The following CSMD1 variants were observed in gnomAD, a reference collection of about 807,000 sequenced individuals.
CSMD1 encodes the protein CUB and Sushi multiple domains 1, also known as CUB and sushi domain-containing protein 1.
A neutral mutation model predicts 417.5 loss-of-function variants in CSMD1; 213 were observed. The ratio of observed to expected loss-of-function variants is 0.51; its 90% confidence interval spans 0.46 to 0.57. CSMD1 has a LOEUF of 0.57. Ranked by LOEUF, CSMD1 falls within the 20% of genes least tolerant of loss-of-function variation. The pLI is 0.00. For synonymous variants in CSMD1, 2,862 were observed against 1,736.8 expected, an observed-to-expected ratio of 1.65 and a Z score of -16.11; for missense variants, 6,923 against 4,529.7, an observed-to-expected ratio of 1.53 and a Z score of -15.17.
intron 7 of CSMD1, among the ~76,000 whole-genome samples, chr8:3,669,620 G>C (rs994444768): frequency 3.3e-5 from 5 of 152,176 alleles, no homozygotes; most frequent in Non-Finnish European, 5.9e-5. Flanking sequence ...AAGACAAGCT[G>C]GGTATTCGCC....
intron 16 of CSMD1, among the ~76,000 whole-genome samples, chr8:3,397,403 C>A (rs1011119935): frequency 6.6e-6 from 1 of 152,196 alleles, no homozygotes; most frequent in Non-Finnish European, 1.5e-5. Flanking sequence ...GTCCTGTATA[C>A]ATTAGATCAT....
intron 4 of CSMD1, among the ~76,000 whole-genome samples, chr8:4,027,970 C>G (rs575734809): frequency 3.9e-5 from 6 of 151,992 alleles, no homozygotes; most frequent in African/African-American, 1.2e-4. Flanking sequence ...TTAGGATGCC[C>G]AATGGCACTC....
intron 23 of CSMD1, among the ~76,000 whole-genome samples, chr8:3,310,699 G>T (rs1182049471): frequency 6.6e-6 from 1 of 152,078 alleles, no homozygotes; most frequent in Admixed American, 6.6e-5. Flanking sequence ...TCTTTTTGAG[G>T]GGTGAGGGCC....
intron 3 of CSMD1, among the ~76,000 whole-genome samples, chr8:4,328,265 T>G (rs1405322100): frequency 9.0e-6 from 1 of 111,632 alleles, no homozygotes; most frequent in Non-Finnish European, 1.9e-5. Flanking sequence ...TTTTTTTTTT[T>G]GAGAGGAATT....
intron 57 of CSMD1, among the ~76,000 whole-genome samples, chr8:2,967,662 A>G (rs1452260245): frequency 6.6e-6 from 1 of 152,216 alleles, no homozygotes; most frequent in Non-Finnish European, 1.5e-5. Context: ...TAACAAGAAT[A>G]TATATCATGA....
At chr8:3,261,611 G>A (rs192130902) in intron 26 of CSMD1, among the ~76,000 whole-genome samples, 130 of 152,204 alleles carry the variant, frequency 8.5e-4, no homozygotes, top group Admixed American at 1.9e-3. Flanking sequence ...GTCCTTCGGC[G>A]GTGAGTGATT....
At chr8:4,275,520 T>G (rs944009540) in intron 3 of CSMD1, among the ~76,000 whole-genome samples, 1 of 152,158 alleles carries the variant, frequency 6.6e-6, no homozygotes, top group Non-Finnish European at 1.5e-5. Flanking sequence ...CTGTGCTGCT[T>G]TTGTAACTGT....
intron 4 of CSMD1, among the ~76,000 whole-genome samples, chr8:4,015,062 G>A (rs934491243): frequency 1.6e-4 from 24 of 152,088 alleles, no homozygotes; most frequent in African/African-American, 4.8e-4. Flanking sequence ...ATTTTGATAC[G>A]ATTTACACTG....
chr8:4,522,211 G>A (rs1028340127), intron 2 of CSMD1, among the ~76,000 whole-genome samples: 10 of 152,030 alleles, frequency 6.6e-5, no homozygotes, highest in Admixed American at 3.3e-4. Flanking sequence ...ATAAAAATGG[G>A]AGGTTCTCTG....
chr8:3,370,148 C>A (rs932976766), intron 18 of CSMD1, among the ~76,000 whole-genome samples: 1 of 152,144 alleles, frequency 6.6e-6, no homozygotes, highest in Non-Finnish European at 1.5e-5. Flanking sequence ...AATAATTTAA[C>A]CTTTTGAATA....
intron 5 of CSMD1, among the ~76,000 whole-genome samples, chr8:3,856,574 G>T (rs1441363867): frequency 2.6e-5 from 4 of 152,124 alleles, no homozygotes; most frequent in African/African-American, 9.7e-5. Flanking sequence ...GCCTGAGTAT[G>T]GCAGACTGTA....
intron 2 of CSMD1, among the ~76,000 whole-genome samples, chr8:4,424,854 A>T (rs1488490811): frequency 6.6e-6 from 1 of 152,116 alleles, no homozygotes; most frequent in African/African-American, 2.4e-5. Flanking sequence ...CAGTACACAG[A>T]AACTCTTTGT....
At chr8:4,002,978 C>G (rs899359904) in intron 4 of CSMD1, among the ~76,000 whole-genome samples, 1 of 151,900 alleles carries the variant, frequency 6.6e-6, no homozygotes, top group Non-Finnish European at 1.5e-5. Flanking sequence ...TATAAGTAAA[C>G]CAATCTACCT....
At chr8:3,956,757 A>T (rs531636160) in intron 5 of CSMD1, among the ~76,000 whole-genome samples, 1 of 152,230 alleles carries the variant, frequency 6.6e-6, no homozygotes, top group East Asian at 1.9e-4. Flanking sequence ...GCCCAACTCC[A>T]AAGCTTAGTT....
intron 10 of CSMD1, among the ~76,000 whole-genome samples, chr8:3,550,968 T>G (rs1296401966): frequency 6.6e-6 from 1 of 151,212 alleles, no homozygotes; most frequent in Non-Finnish European, 1.5e-5. Context: ...ACTACTCAAC[T>G]TGAAGTGAAC....
At chr8:4,505,622 T>C (rs930867420) in intron 2 of CSMD1, among the ~76,000 whole-genome samples, 7 of 152,140 alleles carry the variant, frequency 4.6e-5, no homozygotes, top group African/African-American at 1.7e-4. Flanking sequence ...AGAAGTTTCT[T>C]TCTTTCTAAC....
intron 5 of CSMD1, among the ~76,000 whole-genome samples, chr8:3,929,252 G>C (rs1584983018): frequency 6.6e-6 from 1 of 150,456 alleles, no homozygotes; most frequent in South Asian, 2.1e-4. Context: ...ATACACATAT[G>C]GACAGGATGA....
chr8:3,224,252 A>G (rs1038734480), intron 27 of CSMD1, among the ~76,000 whole-genome samples: 1 of 152,226 alleles, frequency 6.6e-6, no homozygotes, highest in Non-Finnish European at 1.5e-5. Flanking sequence ...AATCCCATGG[A>G]CATGATTTTA....
chr8:3,152,877 T>C (rs533700009), intron 39 of CSMD1, among the ~76,000 whole-genome samples: 5 of 152,298 alleles, frequency 3.3e-5, no homozygotes, highest in East Asian at 3.9e-4. Context: ...CATGCCTACA[T>C]ACATTTAGCA....
Sources: gnomAD v4.1 joint callset for allele counts (sites outside exome capture counted in the v4.1 genomes callset) on GRCh38, gnomAD v4.1.1 for gene constraint, MANE v1.5 for transcripts, NCBI Gene and HGNC (gene_info 2026-07-23, HGNC 2026-07-21) for gene names.